CEACAM16: variants seen among roughly 807,000 people sequenced by gnomAD.
CEACAM16 encodes the protein CEA cell adhesion molecule 16, tectorial membrane component, also known as cell adhesion molecule CEACAM16.
In CEACAM16, 30 loss-of-function variants were observed where a neutral mutation model predicts 39.4. The observed-to-expected ratio is 0.76, with a 90% CI of 0.57 to 1.03. CEACAM16 has a LOEUF of 1.03. Ranked by LOEUF, CEACAM16 falls within the 50% of genes least tolerant of loss-of-function variation. CEACAM16 has a pLI of 0.00. For synonymous variants in CEACAM16, 262 were observed against 264.9 expected, an observed-to-expected ratio of 0.99 and a Z score of 0.11; for missense variants, 521 against 585.3, an observed-to-expected ratio of 0.89 and a Z score of 1.13.
Position 44,704,311 on chromosome 19 carries a change from C to A in CEACAM16, c.661+15C>A. On this transcript the variant is annotated intron_variant, in intron 4 of 6. Transcript: ENST00000587331. ...GACCGTGTACTGTGAGTCCTCCTGG[C>A]CCCACTGGAGATACCCAGTGTCCAA... The A allele has an allele frequency of 6.8e-7, 1 of 1,480,692 alleles. No individual in the cohort carries two copies. Among genetic ancestry groups the A allele is most frequent in the Non-Finnish European group, 9.0e-7 (1 of 1,111,050 alleles). 91.7% of individuals were successfully genotyped at this position (1,480,692 alleles called of 1,614,324 possible). A position where few individuals can be genotyped will look rare whatever the true frequency, so the allele number is the denominator to read the frequency against.
chr19:44,709,556 G>T (rs1436495354), intron 6 of CEACAM16, among the ~76,000 whole-genome samples: 5 of 132,678 alleles, frequency 3.8e-5, no homozygotes, highest in Non-Finnish European at 7.9e-5. Flanking sequence ...CAGAGTCAGG[G>T]TCTATGTCTC....
Position 44,701,291 on chromosome 19 carries a change from G to A in CEACAM16, c.-96-70G>A. The stretch of plus-strand genomic sequence containing the variant: ...ACCCTGGTACCCAAACCGGGCCCCA[G>A]ATCCTTGGTGACTCGATCCCTCCAA... On this transcript the variant is annotated intron_variant, in intron 1 of 6. Transcript: ENST00000587331. This position sits in a 1 kb window ranked among gnomAD's most constrained non-coding sequence, Gnocchi z 4.0. 1.3e-6 allele frequency: 1 copy of A among 797,198 alleles called. No homozygotes were observed. Among genetic ancestry groups the A allele is most frequent in the South Asian group, 1.5e-5 (1 of 65,108 alleles). 49.4% of individuals were successfully genotyped at this position (797,198 alleles called of 1,614,324 possible). A position where few individuals can be genotyped will look rare whatever the true frequency, so the allele number is the denominator to read the frequency against.
chr19:44,701,225 C>T lies in CEACAM16; in HGVS notation c.-96-136C>T. The stretch of plus-strand genomic sequence containing the variant: ...AGGGTTAGGCGGCTGCCCCAGGAGG[C>T]CTGCCCAGGTCACGGCCTCTGGCCG... On this transcript the variant is annotated intron_variant, in intron 1 of 6. Transcript: ENST00000587331. This position sits in a 1 kb window ranked among gnomAD's most constrained non-coding sequence, Gnocchi z 4.0. 1.6e-6 allele frequency: 1 copy of T among 617,070 alleles called. No individual in the cohort carries two copies. The highest frequency in any genetic ancestry group is 1.9e-5 in the South Asian group (1 of 52,802). 38.2% of individuals were successfully genotyped at this position (617,070 alleles called of 1,614,324 possible).
intron 4 of CEACAM16, among the ~76,000 whole-genome samples, chr19:44,705,302 A>AAG (rs1440308003): frequency 1.3e-5 from 2 of 151,780 alleles, no homozygotes; most frequent in Non-Finnish European, 2.9e-5. Context: ...GAAAAAAAAA[A>AAG]TCATTTAGGC....
chr19:44,706,829 G>C (rs2122201696), intron 5 of CEACAM16, among the ~76,000 whole-genome samples: 1 of 152,350 alleles, frequency 6.6e-6, no homozygotes, highest in East Asian at 1.9e-4. Context: ...TTCTAGCACT[G>C]TCAGCAACTC....
rs1367506946 is a variant in CEACAM16, at chr19:44,706,578, C to T, written c.940+710C>T. On this transcript the variant is annotated intron_variant, in intron 5 of 6. Coordinates refer to ENST00000587331, the MANE Select transcript of CEACAM16 (RefSeq NM_001039213.4). Reference sequence around the variant, plus strand: ...GGGAATGGTCGTTCCCTCCCTCCCACTAACAGGCTGGGTCTCATCCAAGGG... The same window carrying T: ...GGGAATGGTCGTTCCCTCCCTCCCATTAACAGGCTGGGTCTCATCCAAGGG... 5.3e-5 allele frequency among the ~76,000 whole-genome samples: 8 copies of T among 152,302 alleles called. No homozygotes were observed. The East Asian group carries it at 1.5e-3, about 29-fold the overall frequency.
In CEACAM16 at chr19:44,704,017, GAGA is replaced by G; in HGVS notation, c.383_385del (p.Glu128_Ile129delinsVal). Reference sequence around the variant, plus strand: ...TCCCCCTCTGTCTCTTGCCCCCACAGAGATCCTGGCCCAGCCCACAGTCTTGGC... The same window carrying G: ...TCCCCCTCTGTCTCTTGCCCCCACAGTCCTGGCCCAGCCCACAGTCTTGGC... On this transcript the variant is annotated inframe_deletion and splice_region_variant, in exon 4 of 7. Transcript: ENST00000587331. 14 of 1,589,068 alleles carry G rather than the reference GAGA, an allele frequency of 8.8e-6. No homozygotes were observed. Among genetic ancestry groups the G allele is most frequent in the Non-Finnish European group, 1.2e-5 (14 of 1,163,182 alleles).
At chr19:44,703,780 A>T in intron 3 of CEACAM16, 87 bp downstream of exon 3, 1 of 1,132,632 alleles carries the variant, frequency 8.8e-7, no homozygotes, top group South Asian at 1.8e-5. Flanking sequence ...AAAAAAAAAA[A>T]TCCAACAAAT....
Position 44,707,995 on chromosome 19 carries a change from A to G in CEACAM16, c.1075A>G (p.Asn359Asp). 6.2e-7 allele frequency: 1 copy of G among 1,608,792 alleles called. No homozygotes were observed. Among genetic ancestry groups the G allele is most frequent in the Non-Finnish European group, 8.5e-7 (1 of 1,178,148 alleles). Residue 359 changes from asparagine (N) to aspartate (D), a missense_variant, in exon 6 of 7, where the codon AAC (asparagine) becomes GAC (aspartate). Asn to Asp is a conservative substitution (Grantham distance 23). Coordinates refer to ENST00000587331, the MANE Select transcript of CEACAM16 (RefSeq NM_001039213.4). ...AWYRGPASEP[N>D]RLLSQLPSGT... ...GTACCGCGGGCCTGCCTCCGAGCCC[A>G]ACCGGCTGCTCAGCCAGCTGCCGTC... is the stretch of plus-strand genomic sequence containing the variant.
Position 44,704,135 on chromosome 19 carries a change from A to G in CEACAM16, c.500A>G (p.Asn167Ser). ...SPTAEVRWFFNGGALPVALRL... is the reference protein window; with the variant it reads ...SPTAEVRWFFSGGALPVALRL... ...ACCGCCGAGGTCCGCTGGTTCTTCA[A>G]CGGTGGGGCCCTGCCCGTCGCTCTC... The change falls in exon 4 of 7, where the codon AAC (asparagine) becomes AGC (serine). Residue 167 changes from asparagine (N) to serine (S), a missense_variant. Transcript: ENST00000587331. The G allele has an allele frequency of 6.3e-7, 1 of 1,596,472 alleles. No individual in the cohort carries two copies. The highest frequency in any genetic ancestry group is 2.3e-5 in the East Asian group (1 of 43,572).
In CEACAM16 at chr19:44,710,549, C is replaced by T. The variant is rs780798424; in HGVS notation, c.*43C>T. The T allele has an allele frequency of 6.8e-6, 11 of 1,613,296 alleles. No individual in the cohort carries two copies. In the South Asian group the frequency reaches 8.8e-5, roughly 13 times the overall value. ...CGTCCAGAGAGAAGAGCTCTTCGCACCATCCTCTGGTCCTCGCCCTCTGAG... is the reference window on the plus strand; with the variant it reads ...CGTCCAGAGAGAAGAGCTCTTCGCATCATCCTCTGGTCCTCGCCCTCTGAG... On this transcript the variant is annotated 3_prime_UTR_variant, in exon 7 of 7. Transcript: ENST00000587331.
In CEACAM16 at chr19:44,709,787, C is replaced by T. The variant is rs1974510134; in HGVS notation, c.1268-709C>T. ...CAGGGACCATGTCTCCTCCATCAGA[C>T]TGGGAGCTCCCAGAGTCAGGGAGCA... On this transcript the variant is annotated intron_variant, in intron 6 of 6. Coordinates refer to ENST00000587331, the MANE Select transcript of CEACAM16 (RefSeq NM_001039213.4). Among the ~76,000 whole-genome samples, 2 of 149,628 alleles carry T rather than the reference C, an allele frequency of 1.3e-5. 1 individual carries two copies. Among genetic ancestry groups the T allele is most frequent in the South Asian group, 4.3e-4 (2 of 4,688 alleles).
intron 4 of CEACAM16, 116 bp from the exon 5 acceptor site, chr19:44,705,474 C>T (rs1206523606): frequency 6.4e-6 from 7 of 1,100,974 alleles, no homozygotes; most frequent in Admixed American, 2.9e-5. Flanking sequence ...TTTTTTTCCC[C>T]TCCACTAGGC....
chr19:44,700,588 A>G (rs889717038), intron 1 of CEACAM16, among the ~76,000 whole-genome samples: 1 of 152,138 alleles, frequency 6.6e-6, no homozygotes, highest in Non-Finnish European at 1.5e-5. Flanking sequence ...CATCATCTCT[A>G]TTTATCAGAA....
At chr19:44,708,954 G>A (rs185075919) in intron 6 of CEACAM16, among the ~76,000 whole-genome samples, 7 of 152,222 alleles carry the variant, frequency 4.6e-5, no homozygotes, top group African/African-American at 1.7e-4. Flanking sequence ...CAGACTGGGA[G>A]CTCTCAGATG....
At chr19:44,704,549 G>A (rs1974410737) in intron 4 of CEACAM16, among the ~76,000 whole-genome samples, 1 of 152,072 alleles carries the variant, frequency 6.6e-6, no homozygotes, top group Non-Finnish European at 1.5e-5. Flanking sequence ...TGGGCAACAT[G>A]GCAAGACCTC....
intron 1 of CEACAM16, 114 bp downstream of exon 1, chr19:44,699,374 A>C: frequency 2.0e-6 from 1 of 496,476 alleles, no homozygotes; most frequent in Non-Finnish European, 4.2e-6. Context: ...GGCAGAGTCC[A>C]TAAATTGCCC....
intron 1 of CEACAM16, among the ~76,000 whole-genome samples, chr19:44,699,786 C>T (rs118151382): frequency 0.012 from 1,801 of 152,332 alleles, 17 homozygotes; most frequent in Middle Eastern, 0.024. Flanking sequence ...CTCTCACTAA[C>T]TGCTGTCAAC....
At chr19:44,703,264 G>T (rs1974378452) in intron 2 of CEACAM16, 85 bp from the exon 3 acceptor site, 1 of 1,281,616 alleles carries the variant, frequency 7.8e-7, no homozygotes, top group African/African-American at 1.5e-5. Flanking sequence ...CTGGGGACAT[G>T]CCCCGAGCCT....
Sources: gnomAD v4.1 joint callset for allele counts (sites outside exome capture counted in the v4.1 genomes callset) on GRCh38, gnomAD v4.1.1 for gene constraint, Gnocchi (gnomAD v3.1) non-coding constraint, MANE v1.5 for transcripts, NCBI Gene and HGNC (gene_info 2026-07-23, HGNC 2026-07-21) for gene names.